The following XKR6 variants were observed in gnomAD, a reference collection of about 807,000 sequenced individuals.
The protein encoded by XKR6 is XK-related protein 6.
In XKR6, 22 loss-of-function variants were observed where a neutral mutation model predicts 56.7. The observed-to-expected ratio is 0.39, with a 90% CI of 0.28 to 0.55. XKR6 has a LOEUF of 0.55. XKR6 is among the 20% of genes least tolerant of loss of function. XKR6 has a pLI of 0.66. For synonymous variants in XKR6, 524 were observed against 387.8 expected (o/e 1.35, Z -4.13); for missense variants, 852 against 889.0 (o/e 0.96, Z 0.53).
At chr8:11,085,189 A>G (rs1797845680) in intron 1 of XKR6, among the ~76,000 whole-genome samples, 1 of 152,146 alleles carries the variant, frequency 6.6e-6, no homozygotes, top group Non-Finnish European at 1.5e-5. Flanking sequence ...CTCTGTGGGC[A>G]TCACACAGAC....
intron 1 of XKR6, among the ~76,000 whole-genome samples, chr8:11,036,913 TG>T (rs1406460147): frequency 3.3e-5 from 5 of 152,238 alleles, no homozygotes; most frequent in Non-Finnish European, 1.5e-5. Context: ...CAGTGCACAC[TG>T]GCTTGAGCTA....
At chr8:11,170,807 T>C (rs2117045089) in intron 1 of XKR6, among the ~76,000 whole-genome samples, 1 of 152,364 alleles carries the variant, frequency 6.6e-6, no homozygotes, top group African/African-American at 2.4e-5. Context: ...ATAGCATCTG[T>C]GCATGGAGTA....
chr8:11,093,061 CTTTCTTTCTTTTA>C (rs1798132681), intron 1 of XKR6, among the ~76,000 whole-genome samples: 1 of 151,048 alleles, frequency 6.6e-6, no homozygotes, highest in Admixed American at 6.6e-5. Flanking sequence ...TTTTTCTTTT[CTTTCTTTCTTTTA>C]GACGGAGTTT....
At chr8:11,169,515 A>C (rs1802256725) in intron 1 of XKR6, among the ~76,000 whole-genome samples, 1 of 152,248 alleles carries the variant, frequency 6.6e-6, no homozygotes, top group Admixed American at 6.5e-5. Flanking sequence ...CATTATGCTA[A>C]GTTAAATAAG....
chr8:11,126,512 T>C (rs576424919), intron 1 of XKR6, among the ~76,000 whole-genome samples: 39 of 152,316 alleles, frequency 2.6e-4, no homozygotes, highest in Admixed American at 9.8e-4. Context: ...TTTTTGATTA[T>C]AGAGATTCAA....
intron 1 of XKR6, among the ~76,000 whole-genome samples, chr8:11,189,207 A>T (rs1466758975): frequency 6.6e-6 from 1 of 152,186 alleles, no homozygotes; most frequent in Non-Finnish European, 1.5e-5. Context: ...TCTGAATTTG[A>T]GACACAAAAT....
At chr8:11,151,675 ATT>A (rs1163982454) in intron 1 of XKR6, among the ~76,000 whole-genome samples, 1 of 151,700 alleles carries the variant, frequency 6.6e-6, no homozygotes, top group African/African-American at 2.4e-5. Context: ...CCCACGATCC[ATT>A]TGTCAGTCTT....
chr8:11,000,883 C>T (rs1798222737), intron 1 of XKR6, among the ~76,000 whole-genome samples: 1 of 152,072 alleles, frequency 6.6e-6, no homozygotes, highest in South Asian at 2.1e-4. Context: ...ACTTTCTGGA[C>T]ACGTGGTCCA....
chr8:11,093,289 G>A (rs559440158), intron 1 of XKR6, among the ~76,000 whole-genome samples: 83 of 152,192 alleles, frequency 5.5e-4, no homozygotes, highest in South Asian at 8.3e-4. Context: ...TCCTGACCTC[G>A]GGTGATCCGC....
At chr8:10,980,143 G>A (rs1390962788) in intron 1 of XKR6, among the ~76,000 whole-genome samples, 5 of 152,310 alleles carry the variant, frequency 3.3e-5, no homozygotes, top group South Asian at 2.1e-4. Flanking sequence ...GCTTCAAGAA[G>A]GGGGAACGTC....
chr8:11,079,821 A>C (rs1797657498), intron 1 of XKR6, among the ~76,000 whole-genome samples: 1 of 152,106 alleles, frequency 6.6e-6, no homozygotes. Context: ...TTAAAAAATT[A>C]GCTGGCATGG....
At chr8:10,990,637 C>G (rs1251332236) in intron 1 of XKR6, among the ~76,000 whole-genome samples, 1 of 152,142 alleles carries the variant, frequency 6.6e-6, no homozygotes, top group Non-Finnish European at 1.5e-5. Flanking sequence ...TGTCACCCAA[C>G]TGTGCAATCA....
intron 1 of XKR6, among the ~76,000 whole-genome samples, chr8:11,140,593 T>C (rs957031822): frequency 6.6e-6 from 1 of 152,152 alleles, no homozygotes; most frequent in Non-Finnish European, 1.5e-5. Flanking sequence ...ATTCAAGATA[T>C]GTTGTTCTTA....
At chr8:11,051,066 A>C (rs1489865571) in intron 1 of XKR6, among the ~76,000 whole-genome samples, 1 of 152,162 alleles carries the variant, frequency 6.6e-6, no homozygotes, top group African/African-American at 2.4e-5. Context: ...CTTGCCAAAA[A>C]GTCACCAAAG....
intron 1 of XKR6, among the ~76,000 whole-genome samples, chr8:11,171,980 G>T (rs1016105521): frequency 2.0e-5 from 3 of 151,618 alleles, no homozygotes; most frequent in African/African-American, 7.3e-5. Flanking sequence ...TTGAACCCGG[G>T]AGGCACAGTA....
Position 11,191,901 on chromosome 8 carries a change from T to C in XKR6, c.764+8675A>G, listed in dbSNP as rs75890351. ...ATTATGGAAATACTCTTAATTTTCT[T>C]AGGTGCAATAATAATATTGTAGCTT... On this transcript the variant is annotated intron_variant, in intron 1 of 2. Transcript: ENST00000416569. Among the ~76,000 whole-genome samples, 482 of 152,272 alleles carry C rather than the reference T, an allele frequency of 3.2e-3. 10 individuals carry two copies. The highest frequency in any genetic ancestry group is 0.022 in the South Asian group (107 of 4,822).
chr8:10,962,371 G>A (rs895147403), intron 1 of XKR6, among the ~76,000 whole-genome samples: 21 of 152,184 alleles, frequency 1.4e-4, no homozygotes, highest in African/African-American at 4.3e-4. Flanking sequence ...ATGCTGGGCT[G>A]GGAGTCAGGC....
At chr8:10,959,367 G>A (rs910487230) in intron 1 of XKR6, among the ~76,000 whole-genome samples, 1 of 152,152 alleles carries the variant, frequency 6.6e-6, no homozygotes, top group African/African-American at 2.4e-5. Context: ...ATGTTATAGG[G>A]AGACTGGTTT....
At chr8:11,099,472 G>C (rs1798385654) in intron 1 of XKR6, among the ~76,000 whole-genome samples, 1 of 152,252 alleles carries the variant, frequency 6.6e-6, no homozygotes, top group Admixed American at 6.5e-5. Context: ...GGCAGGAATG[G>C]CACTGCTGGG....
Sources: allele counts gnomAD v4.1 joint callset (sites outside exome capture counted in the v4.1 genomes callset), GRCh38; gene constraint gnomAD v4.1.1; transcripts MANE v1.5; gene names NCBI Gene and HGNC (gene_info 2026-07-23, HGNC 2026-07-21).